Variants in NETO2 observed in about 807,000 individuals in gnomAD.
NETO2 encodes the protein neuropilin and tolloid like 2, also known as neuropilin and tolloid-like protein 2.
In NETO2, 28 loss-of-function variants were observed where a neutral mutation model predicts 62.5. That is an observed-to-expected ratio of 0.45 (90% CI 0.33 to 0.61). The LOEUF (loss-of-function observed/expected upper bound fraction) is 0.61, where lower values mean the gene tolerates loss of function less well. Among genes scored for constraint, NETO2 ranks in the 20% least tolerant of loss-of-function variants. NETO2 has a pLI of 0.02. For synonymous variants in NETO2, 214 were observed against 219.1 expected (o/e 0.98, Z 0.21); for missense variants, 548 against 643.2 (o/e 0.85, Z 1.60).
At chr16:47,141,794 T>C (rs1479082293) in intron 1 of NETO2, among the ~76,000 whole-genome samples, 1 of 152,222 alleles carries the variant, frequency 6.6e-6, no homozygotes, top group Non-Finnish European at 1.5e-5. Flanking sequence ...GTTTTCACCG[T>C]AGCTCTGCCA....
intron 6 of NETO2, among the ~76,000 whole-genome samples, chr16:47,110,564 T>C: frequency 6.6e-6 from 1 of 152,202 alleles, no homozygotes; most frequent in East Asian, 1.9e-4. Flanking sequence ...TGTGCGTCCT[T>C]CTCATTCCAT....
rs530965325 is a variant in NETO2 at position 47,103,432 on chromosome 16, A to G, written c.883+6051T>C. 2.5e-3 allele frequency among the ~76,000 whole-genome samples: 382 copies of G among 152,300 alleles called. 4 individuals are homozygous for G. Among genetic ancestry groups the G allele is most frequent in the Admixed American group, 4.3e-3 (66 of 15,304 alleles). On this transcript the variant is annotated intron_variant, in intron 7 of 8. Coordinates refer to ENST00000562435, the MANE Select transcript of NETO2 (RefSeq NM_018092.5). ...GCACATGTATCCCAGAACTTCAAGTATTGTAATAATAAAAAAAAATTAACA... is the reference window on the plus strand; with the variant it reads ...GCACATGTATCCCAGAACTTCAAGTGTTGTAATAATAAAAAAAAATTAACA...
chr16:47,114,543 C>T (rs936052389), intron 6 of NETO2, among the ~76,000 whole-genome samples: 1 of 149,176 alleles, frequency 6.7e-6, no homozygotes, highest in Non-Finnish European at 1.5e-5. Context: ...CTCCGCCTCC[C>T]GGGTTCATGC....
intron 7 of NETO2, among the ~76,000 whole-genome samples, chr16:47,101,843 A>C (rs1315719679): frequency 6.6e-6 from 1 of 152,228 alleles, no homozygotes; most frequent in Non-Finnish European, 1.5e-5. Flanking sequence ...ATATCGTGAA[A>C]ATGGCCATAC....
In NETO2 at chr16:47,083,182, G is replaced by A. The variant is rs376630483; in HGVS notation, c.*39C>T. 5.1e-6 allele frequency: 8 copies of A among 1,553,530 alleles called. No homozygotes were observed. The highest frequency in any genetic ancestry group is 4.9e-5 in the South Asian group (4 of 81,546). The stretch of plus-strand genomic sequence containing the variant: ...GTATGGTGCCCTGGAGGCTGCGTAC[G>A]TACACACCCTAAGAATTCACATCAC... On this transcript the variant is annotated 3_prime_UTR_variant, in exon 9 of 9. Coordinates refer to ENST00000562435, the MANE Select transcript of NETO2 (RefSeq NM_018092.5).
At position 47,086,226 on chromosome 16, in the gene NETO2, C is replaced by T; in HGVS notation, c.997G>A (p.Glu333Lys). ...AYPWDENHCK[E>K]KKKAGVFEQI... Reference sequence around the variant, plus strand: ...ATGTTGGCCTTTACATCAAACTCACCTTTACAATGATTTTCATCCCAAGGG... The same window carrying T: ...ATGTTGGCCTTTACATCAAACTCACTTTTACAATGATTTTCATCCCAAGGG... The change falls in exon 8 of 9, where the codon GAA (glutamate) becomes AAA (lysine). Residue 333 changes from glutamate (E) to lysine (K), a missense_variant and splice_region_variant. Physicochemically the swap from Glu to Lys is moderately conservative, Grantham distance 56 (BLOSUM62 1). Coordinates refer to ENST00000562435, the MANE Select transcript of NETO2 (RefSeq NM_018092.5). The T allele has an allele frequency of 1.9e-6, 3 of 1,581,138 alleles. No homozygotes were observed. Among genetic ancestry groups the T allele is most frequent in the Non-Finnish European group, 2.6e-6 (3 of 1,150,216 alleles).
intron 6 of NETO2, among the ~76,000 whole-genome samples, chr16:47,115,876 T>C (rs1267506907): frequency 6.6e-6 from 1 of 151,218 alleles, no homozygotes; most frequent in Non-Finnish European, 1.5e-5. Context: ...TGACCTGCAA[T>C]TGATTTTTGT....
intron 6 of NETO2, among the ~76,000 whole-genome samples, chr16:47,117,023 C>T (rs1166386530): frequency 6.6e-6 from 1 of 152,102 alleles, no homozygotes; most frequent in East Asian, 1.9e-4. Context: ...CCATTCGTTT[C>T]CCTTTAGTCA....
intron 7 of NETO2, among the ~76,000 whole-genome samples, chr16:47,099,403 C>A (rs1963496130): frequency 2.0e-5 from 3 of 152,176 alleles, no homozygotes; most frequent in Admixed American, 2.0e-4. Flanking sequence ...ACTGCAACAA[C>A]TAATGGGCAA....
intron 7 of NETO2, among the ~76,000 whole-genome samples, chr16:47,090,702 T>G (rs903449181): frequency 5.9e-5 from 9 of 152,210 alleles, no homozygotes; most frequent in Non-Finnish European, 1.2e-4. Flanking sequence ...CATTACGGGT[T>G]TATTCTAACA....
chr16:47,142,756 A>T (rs1011748908), intron 1 of NETO2, among the ~76,000 whole-genome samples: 9 of 152,244 alleles, frequency 5.9e-5, no homozygotes, highest in African/African-American at 1.7e-4. Context: ...ATCTATGTAT[A>T]TAAATTTTCA....
chr16:47,096,184 C>A (rs1046475380), intron 7 of NETO2, among the ~76,000 whole-genome samples: 4 of 152,052 alleles, frequency 2.6e-5, no homozygotes, highest in Non-Finnish European at 4.4e-5. Flanking sequence ...GAAATTTACA[C>A]CTGTAAATGC....
intron 7 of NETO2, among the ~76,000 whole-genome samples, chr16:47,094,264 T>TTA (rs1963380651): frequency 1.7e-3 from 1 of 576 alleles, no homozygotes; most frequent in African/African-American, 2.3e-3. Flanking sequence ...ATCACTTGGA[T>TTA]TTTTTTTTTT....
At chr16:47,111,767 A>G (rs879760698) in intron 6 of NETO2, among the ~76,000 whole-genome samples, 3 of 152,184 alleles carry the variant, frequency 2.0e-5, no homozygotes, top group Non-Finnish European at 2.9e-5. Flanking sequence ...GACTTAGGTG[A>G]GACGTAGAAC....
At chr16:47,128,953 G>C (rs1964211053) in intron 3 of NETO2, among the ~76,000 whole-genome samples, 1 of 152,192 alleles carries the variant, frequency 6.6e-6, no homozygotes, top group African/African-American at 2.4e-5. Flanking sequence ...AGGGATGCCA[G>C]TAAGTTTAAG....
chr16:47,113,959 T>C (rs1258683488), intron 6 of NETO2, among the ~76,000 whole-genome samples: 5 of 152,218 alleles, frequency 3.3e-5, no homozygotes, highest in African/African-American at 4.8e-5. Context: ...ATAAAGTTGT[T>C]ATGAACATTT....
chr16:47,139,613 T>C (rs751858488), intron 1 of NETO2, among the ~76,000 whole-genome samples: 4 of 152,210 alleles, frequency 2.6e-5, no homozygotes, highest in Admixed American at 2.6e-4. Context: ...GTCACTTGTT[T>C]TTGATAAACT....
chr16:47,101,288 A>C (rs1454262156), intron 7 of NETO2, among the ~76,000 whole-genome samples: 4 of 152,196 alleles, frequency 2.6e-5, no homozygotes, highest in African/African-American at 4.8e-5. Flanking sequence ...CGTATCTCCA[A>C]ATAATTAGAG....
rs1441707012 is a variant in NETO2, at chr16:47,082,604, A to C, written c.*617T>G. 1 of 152,242 alleles carries C rather than the reference A, an allele frequency of 6.6e-6. No individual in the cohort carries two copies. The highest frequency in any genetic ancestry group is 2.4e-5 in the African/African-American group (1 of 41,466). The allele number at this position is 152,242 out of a possible 1,614,324, so 9.4% of individuals were successfully genotyped here. A position where few individuals can be genotyped will look rare whatever the true frequency, so the allele number is the denominator to read the frequency against. ...AATAAGGAATAAGGGCCCAGTAATT[A>C]AAAGGCAGAAGTACAGAGATTAGCC... On this transcript the variant is annotated 3_prime_UTR_variant, in exon 9 of 9. Coordinates refer to ENST00000562435, the MANE Select transcript of NETO2 (RefSeq NM_018092.5).
Sources: gnomAD v4.1 joint callset for allele counts (sites outside exome capture counted in the v4.1 genomes callset) on GRCh38, gnomAD v4.1.1 for gene constraint, MANE v1.5 for transcripts, NCBI Gene and HGNC (gene_info 2026-07-23, HGNC 2026-07-21) for gene names.